The following SLC2A14 variants were observed in gnomAD, a reference collection of about 807,000 sequenced individuals.
SLC2A14 encodes the protein solute carrier family 2, facilitated glucose transporter member 14.
In SLC2A14, 13 loss-of-function variants were observed where a neutral mutation model predicts 43.0. The observed-to-expected ratio is 0.30, with a 90% CI of 0.20 to 0.48. The LOEUF (loss-of-function observed/expected upper bound fraction) is 0.48, where lower values mean the gene tolerates loss of function less well. SLC2A14 is among the 20% of genes least tolerant of loss of function. SLC2A14 has a pLI of 0.99. For synonymous variants in SLC2A14, 190 were observed against 233.8 expected, an observed-to-expected ratio of 0.81 and a Z score of 1.71; for missense variants, 428 against 620.4, an observed-to-expected ratio of 0.69 and a Z score of 3.29.
At chr12:7,890,926 C>A in intron 1 of SLC2A14, 4 of 1,472,014 alleles carry the variant, frequency 2.7e-6, no homozygotes, top group Non-Finnish European at 3.6e-6. Flanking sequence ...CAAGTTTTTC[C>A]CTTTTTTAAA....
At chr12:7,885,759 C>T (rs950347778) in intron 1 of SLC2A14, among the ~76,000 whole-genome samples, 3 of 151,944 alleles carry the variant, frequency 2.0e-5, no homozygotes, top group Admixed American at 1.3e-4. Flanking sequence ...CAGTAGGTCT[C>T]GTGTGATGCC....
chr12:7,839,496 G>A (rs774555312), intron 2 of SLC2A14, among the ~76,000 whole-genome samples: 14 of 152,254 alleles, frequency 9.2e-5, no homozygotes, highest in East Asian at 5.8e-4. Flanking sequence ...AGTCATGAAC[G>A]TTCTGGTTTA....
chr12:7,827,377 G>C, intron 7 of SLC2A14, 118 bp downstream of exon 7: 1 of 1,428,294 alleles, frequency 7.0e-7, no homozygotes, highest in Non-Finnish European at 9.3e-7. Flanking sequence ...CCGGGTTCAA[G>C]CGATTCTCCT....
rs1204450230 is a variant in SLC2A14 at position 7,883,590 on chromosome 12, CTTTTTTT to C, written c.132+7399_132+7405del. Among the ~76,000 whole-genome samples, 49 of 95,200 alleles carry C rather than the reference CTTTTTTT, an allele frequency of 5.1e-4. 1 individual carries two copies. The highest frequency in any genetic ancestry group is 1.4e-3 in the African/African-American group (32 of 22,152). 62.5% of individuals were successfully genotyped at this position (95,200 alleles called of 152,430 possible). On this transcript the variant is annotated intron_variant, in intron 1 of 9. Coordinates refer to the SLC2A14 transcript ENST00000539924. Reference sequence around the variant, plus strand: ...CTCTTTTTCTTTTTCTTTTTCTTTTCTTTTTTTTTTTTTTTTTTTTTTTGAGACGGGG... The same window carrying C: ...CTCTTTTTCTTTTTCTTTTTCTTTTCTTTTTTTTTTTTTTTTGAGACGGGG...
intron 1 of SLC2A14, among the ~76,000 whole-genome samples, chr12:7,880,361 C>A (rs1181407263): frequency 2.7e-5 from 4 of 149,900 alleles, no homozygotes; most frequent in East Asian, 3.9e-4. Flanking sequence ...AAAACACACA[C>A]AAAAAATCAA....
At chr12:7,835,986 C>T (rs535620692) in intron 2 of SLC2A14, among the ~76,000 whole-genome samples, 9 of 152,286 alleles carry the variant, frequency 5.9e-5, no homozygotes, top group South Asian at 2.1e-4. Flanking sequence ...CCATCACTCC[C>T]GTTGATCCTG....
At chr12:7,876,963 GA>G (rs1945473386), upstream of SLC2A14, among the ~76,000 whole-genome samples, 1 of 150,984 alleles carries the variant, frequency 6.6e-6, no homozygotes, top group South Asian at 2.1e-4. Context: ...ATGTTGCTGT[GA>G]ATGGCAAGAT....
intron 10 of SLC2A14, among the ~76,000 whole-genome samples, chr12:7,815,585 G>GA (rs1863367108): frequency 1.3e-5 from 2 of 151,612 alleles, no homozygotes; most frequent in South Asian, 4.2e-4. Flanking sequence ...GTTTTGTTTT[G>GA]TTTTTTTTGA....
At chr12:7,820,324 G>A (rs955956623) in intron 8 of SLC2A14, among the ~76,000 whole-genome samples, 1 of 152,010 alleles carries the variant, frequency 6.6e-6, no homozygotes, top group Admixed American at 6.6e-5. Flanking sequence ...GTGAGCCACT[G>A]TAGCAAATTA....
chr12:7,833,378 C>A (rs921866390), intron 2 of SLC2A14, among the ~76,000 whole-genome samples: 9 of 152,188 alleles, frequency 5.9e-5, no homozygotes, highest in Non-Finnish European at 1.3e-4. Context: ...GGCCCCATTT[C>A]AGTCTTCTGG....
rs143848654 is a variant in SLC2A14, at chr12:7,881,582, T to C, written c.132+9414A>G. Among the ~76,000 whole-genome samples, 667 of 152,192 alleles carry C rather than the reference T, an allele frequency of 4.4e-3. 1 individual carries two copies. Among genetic ancestry groups the C allele is most frequent in the African/African-American group, 0.016 (650 of 41,530 alleles). ...GCCTCCCCGCTCCACCTCCGTGGGC[T>C]CCTGAGCCTCCCCGACAAGCGCGGC... On this transcript the variant is annotated intron_variant, in intron 1 of 9. Transcript: ENST00000539924.
chr12:7,829,298 C>T (rs1207762507), intron 5 of SLC2A14, among the ~76,000 whole-genome samples: 1 of 151,992 alleles, frequency 6.6e-6, no homozygotes, highest in South Asian at 2.1e-4. Flanking sequence ...CAGTGGCTCA[C>T]ACCTATAACC....
chr12:7,831,704 C>T lies in SLC2A14; in HGVS notation c.172G>A (p.Val58Met). The T allele has an allele frequency of 3.1e-6, 5 of 1,614,194 alleles. No individual in the cohort carries two copies. Among genetic ancestry groups the T allele is most frequent in the Non-Finnish European group, 4.2e-6 (5 of 1,180,044 alleles). ...TDKANAPPSE[V>M]LLTNLWSLSV... ...AAGGACCAGAGATTCGTGAGCAGCACCTCAGAGGGAGGGGCATTTGCCTTG... is the reference window on the plus strand; with the variant it reads ...AAGGACCAGAGATTCGTGAGCAGCATCTCAGAGGGAGGGGCATTTGCCTTG... The change falls in exon 4 of 11, where the codon GTG (valine) becomes ATG (methionine). Residue 58 changes from valine to methionine, a missense_variant. By Grantham distance (21) the Val-to-Met change is conservative. This residue lies in a region of SLC2A14 where 122 missense variants were observed against 128.8 expected (regional missense o/e 0.95). Transcript: ENST00000431042.
chr12:7,816,107 AT>A (rs1309960322), intron 10 of SLC2A14, among the ~76,000 whole-genome samples: 1 of 42,900 alleles, frequency 2.3e-5, no homozygotes, highest in African/African-American at 1.3e-4. Flanking sequence ...TATTTTTTTT[AT>A]TTTTTTTGAG....
chr12:7,875,906 G>A (rs929969676), upstream of SLC2A14, among the ~76,000 whole-genome samples: 3 of 152,060 alleles, frequency 2.0e-5, no homozygotes, highest in African/African-American at 7.2e-5. Context: ...AACCCAGGAG[G>A]TGGAGGTTGC....
intron 7 of SLC2A14, among the ~76,000 whole-genome samples, chr12:7,823,557 T>G (rs554399163): frequency 5.3e-5 from 8 of 151,442 alleles, no homozygotes; most frequent in Non-Finnish European, 1.0e-4. Flanking sequence ...CCCGTCTCTA[T>G]TAAAAATACA....
intron 1 of SLC2A14, among the ~76,000 whole-genome samples, chr12:7,887,521 A>G (rs1027626356): frequency 6.6e-6 from 1 of 152,036 alleles, no homozygotes; most frequent in Non-Finnish European, 1.5e-5. Context: ...AATTGCCCTC[A>G]CAGAGCTTAT....
intron 2 of SLC2A14, among the ~76,000 whole-genome samples, chr12:7,852,567 T>A (rs1867024226): frequency 6.6e-6 from 1 of 152,142 alleles, no homozygotes; most frequent in Non-Finnish European, 1.5e-5. Flanking sequence ...TTACTGACAT[T>A]TGGGGCCAGA....
chr12:7,884,220 T>C (rs903689321), intron 1 of SLC2A14, among the ~76,000 whole-genome samples: 3 of 152,068 alleles, frequency 2.0e-5, no homozygotes, highest in African/African-American at 7.2e-5. Flanking sequence ...GCGCCCAGCC[T>C]GAATTTCCTT....
Sources: allele counts gnomAD v4.1 joint callset (sites outside exome capture counted in the v4.1 genomes callset), GRCh38; gene constraint gnomAD v4.1.1; regional missense constraint gnomAD v4.1.1; transcripts MANE v1.5; gene names NCBI Gene and HGNC (gene_info 2026-07-23, HGNC 2026-07-21).